The following NPL variants were observed in gnomAD, a reference collection of about 807,000 sequenced individuals.
The protein encoded by NPL is N-acetylneuraminate pyruvate lyase.
NPL carries 32 observed loss-of-function variants against 41.1 expected under a neutral mutation model. The observed-to-expected ratio is 0.78, with a 90% CI of 0.59 to 1.05. NPL has a LOEUF of 1.05. Ranked by LOEUF, NPL falls within the 50% of genes least tolerant of loss-of-function variation. The pLI, the probability that NPL is intolerant of heterozygous loss-of-function variation, is 0.00. For synonymous variants in NPL, 128 were observed against 134.9 expected, an observed-to-expected ratio of 0.95 and a Z score of 0.35; for missense variants, 321 against 378.4, an observed-to-expected ratio of 0.85 and a Z score of 1.26.
At chr1:182,816,937 AGTT>A (rs1397485329) in intron 8 of NPL, 131 bp downstream of exon 8, 35 of 715,874 alleles carry the variant, frequency 4.9e-5, no homozygotes, top group Non-Finnish European at 8.0e-5. Context: ...GGGCAGTTCC[AGTT>A]GTTTCTAAAT....
chr1:182,801,723 C>T (rs1666852850), intron 3 of NPL, among the ~76,000 whole-genome samples: 1 of 152,110 alleles, frequency 6.6e-6, no homozygotes, highest in South Asian at 2.1e-4. Flanking sequence ...GTGGTCCTAG[C>T]TACTTGGGAG....
At chr1:182,796,166 CAAA>C (rs11419574) in intron 3 of NPL, among the ~76,000 whole-genome samples, 89 of 103,220 alleles carry the variant, frequency 8.6e-4, no homozygotes, top group African/African-American at 2.1e-3. Flanking sequence ...GGTGTGAAAT[CAAA>C]AAAAAAAAAA....
chr1:182,816,536 C>T (rs1020382233), intron 7 of NPL, among the ~76,000 whole-genome samples, 178 bp from the exon 8 acceptor site: 12 of 152,110 alleles, frequency 7.9e-5, no homozygotes, highest in African/African-American at 2.7e-4. Flanking sequence ...GAAAATAAAA[C>T]TTGAAGGAAG....
chr1:182,817,966 G>A (rs545104000), intron 8 of NPL, among the ~76,000 whole-genome samples: 13 of 152,080 alleles, frequency 8.5e-5, no homozygotes, highest in Admixed American at 3.3e-4. Context: ...TCTTTAGCCC[G>A]GCTTTCCTCC....
rs112342722 is a variant in NPL, at chr1:182,794,420, A to G, written c.49A>G (p.Thr17Ala). 1 of 1,614,166 alleles carries G rather than the reference A, an allele frequency of 6.2e-7. No individual in the cohort carries two copies. The highest frequency in any genetic ancestry group is 8.5e-7 in the Non-Finnish European group (1 of 1,180,008). ...KLQGLVAATI[T>A]PMTENGEINF... ...TCAGGGTCTTGTGGCTGCAACCATC[A>G]CGCCAATGACTGAGAATGGGTAACT... The change falls in exon 3 of 13, where the codon ACG becomes GCG. Residue 17 changes from threonine (T) to alanine (A), a missense_variant. Thr to Ala is a moderately conservative substitution (Grantham distance 58, BLOSUM62 0). Transcript: ENST00000367553.
intron 10 of NPL, among the ~76,000 whole-genome samples, chr1:182,820,514 C>A (rs143129955): frequency 6.0e-4 from 91 of 152,204 alleles, no homozygotes; most frequent in South Asian, 3.3e-3. Context: ...ATTCTCACAT[C>A]GCTATAAAGA....
At chr1:182,797,789 G>C (rs888225740) in intron 3 of NPL, among the ~76,000 whole-genome samples, 2 of 151,664 alleles carry the variant, frequency 1.3e-5, no homozygotes, top group African/African-American at 4.9e-5. Flanking sequence ...ATAACTTTTT[G>C]TTACTTGTCT....
At chr1:182,810,441 A>G (rs1667143174) in intron 5 of NPL, among the ~76,000 whole-genome samples, 1 of 152,204 alleles carries the variant, frequency 6.6e-6, no homozygotes, top group East Asian at 1.9e-4. Context: ...TCTCCAACCA[A>G]AAATATCCCA....
At chr1:182,824,784 G>A (rs1350524376) in intron 11 of NPL, among the ~76,000 whole-genome samples, 4 of 152,076 alleles carry the variant, frequency 2.6e-5, no homozygotes, top group Admixed American at 1.3e-4. Flanking sequence ...GTGACAGAGC[G>A]AGACTCTGTC....
intron 8 of NPL, 35 bp from the exon 9 acceptor site, chr1:182,818,506 G>A (rs2102560010): frequency 6.2e-7 from 1 of 1,611,682 alleles, no homozygotes; most frequent in African/African-American, 1.3e-5. Flanking sequence ...TCCTAGAGAT[G>A]TGCAGATTAA....
intron 10 of NPL, among the ~76,000 whole-genome samples, chr1:182,819,770 T>A (rs1028258621): frequency 3.3e-5 from 5 of 152,208 alleles, no homozygotes; most frequent in African/African-American, 1.2e-4. Flanking sequence ...GTGACCAGTG[T>A]CTCAAGGATG....
chr1:182,814,025 G>A (rs1238150452), intron 6 of NPL, among the ~76,000 whole-genome samples: 1 of 152,228 alleles, frequency 6.6e-6, no homozygotes, highest in African/African-American at 2.4e-5. Context: ...CAAAGTCTCA[G>A]AAGGAAGGCC....
intron 3 of NPL, among the ~76,000 whole-genome samples, chr1:182,801,815 C>T (rs576416811): frequency 6.3e-4 from 96 of 151,896 alleles, no homozygotes; most frequent in Non-Finnish European, 1.3e-3. Context: ...CCAGCCTGGG[C>T]GACAGAGTGA....
intron 11 of NPL, among the ~76,000 whole-genome samples, chr1:182,823,750 G>T (rs1455152441): frequency 6.6e-6 from 1 of 152,166 alleles, no homozygotes; most frequent in African/African-American, 2.4e-5. Context: ...TCCATTCAGT[G>T]ACTTCTCTTA....
rs144624019 is a variant in NPL at position 182,813,238 on chromosome 1, C to G, written c.288+1025C>G. Among the ~76,000 whole-genome samples the G allele has an allele frequency of 2.2e-4, 33 of 151,896 alleles. No homozygotes were observed. In the East Asian group the frequency reaches 6.0e-3, roughly 28 times the overall value. On this transcript the variant is annotated intron_variant, in intron 6 of 12. Transcript: ENST00000367553. ...GGACTGCTATAAATTAACCAAGTTTCCAGAACTTAGATATTCTACCTCTAA... is the reference window on the plus strand; with the variant it reads ...GGACTGCTATAAATTAACCAAGTTTGCAGAACTTAGATATTCTACCTCTAA...
chr1:182,825,723 ATTTACATTG>A (rs1327238719), intron 11 of NPL, 49 bp from the exon 12 acceptor site: 2 of 1,168,114 alleles, frequency 1.7e-6, no homozygotes, highest in African/African-American at 1.5e-5. Context: ...CTTCTACATT[ATTTACATTG>A]TTTACACAGT....
intron 2 of NPL, among the ~76,000 whole-genome samples, chr1:182,793,499 A>G (rs944209756): frequency 2.6e-5 from 4 of 152,170 alleles, no homozygotes; most frequent in Admixed American, 1.3e-4. Context: ...CTTGAATTGA[A>G]CACCTGGTGT....
Position 182,818,631 on chromosome 1 carries a change from G to T in NPL, c.548G>T (p.Gly183Val). The change falls in exon 9 of 13, where the codon GGG (glycine) becomes GTG (valine). Residue 183 changes from glycine to valine, a missense_variant. Gly to Val is a moderately radical substitution (Grantham distance 109). Coordinates refer to ENST00000367553, the MANE Select transcript of NPL (RefSeq NM_030769.3). ...AGTGATACAGATCTCTTAGACTTCGGGCAATGTGTTGATCAGAATCGCCAG... is the reference window on the plus strand; with the variant it reads ...AGTGATACAGATCTCTTAGACTTCGTGCAATGTGTTGATCAGAATCGCCAG... ...KFSDTDLLDFGQCVDQNRQQQ... is the reference protein window; with the variant it reads ...KFSDTDLLDFVQCVDQNRQQQ... 6.2e-7 allele frequency: 1 copy of T among 1,614,178 alleles called. No homozygotes were observed. The highest frequency in any genetic ancestry group is 8.5e-7 in the Non-Finnish European group (1 of 1,180,036).
intron 6 of NPL, among the ~76,000 whole-genome samples, chr1:182,814,024 A>C (rs567156333): frequency 1.3e-5 from 2 of 152,378 alleles, no homozygotes; most frequent in African/African-American, 4.8e-5. Flanking sequence ...TCAAAGTCTC[A>C]GAAGGAAGGC....
Sources: gnomAD v4.1 joint callset for allele counts (sites outside exome capture counted in the v4.1 genomes callset) on GRCh38, gnomAD v4.1.1 for gene constraint, MANE v1.5 for transcripts, NCBI Gene and HGNC (gene_info 2026-07-23, HGNC 2026-07-21) for gene names.